Variants in ILKAP observed in about 807,000 individuals in gnomAD.
ILKAP encodes the protein integrin-linked kinase-associated serine/threonine phosphatase 2C.
In ILKAP, 11 loss-of-function variants were observed where a neutral mutation model predicts 49.1. That is an observed-to-expected ratio of 0.22 (90% CI 0.14 to 0.37). ILKAP has a LOEUF of 0.37. Ranked by LOEUF, ILKAP falls within the 10% of genes least tolerant of loss-of-function variation. ILKAP has a pLI of 1.00. For missense variants in ILKAP, 363 were observed against 510.8 expected (o/e 0.71, Z 2.79); for synonymous variants, 186 against 192.8 (o/e 0.96, Z 0.29).
intron 4 of ILKAP, among the ~76,000 whole-genome samples, chr2:238,189,219 G>A (rs1292959924): frequency 1.3e-5 from 2 of 152,174 alleles, no homozygotes; most frequent in African/African-American, 2.4e-5. Context: ...TCGGGAGGCT[G>A]AGGTAGAATG....
At chr2:238,191,703 G>T (rs34464738) in intron 3 of ILKAP, among the ~76,000 whole-genome samples, 42,031 of 151,732 alleles carry the variant, frequency 0.28, 6,218 homozygotes, top group South Asian at 0.37. Flanking sequence ...AGGTCAGAAG[G>T]TCAAGACAAG....
In ILKAP at chr2:238,170,634, C is replaced by T. The variant is rs940521111; in HGVS notation, c.1081G>A (p.Ala361Thr). The T allele has an allele frequency of 3.1e-6, 5 of 1,601,862 alleles. No homozygotes were observed. The highest frequency in any genetic ancestry group is 4.5e-5 in the East Asian group (2 of 44,562). The change falls in exon 12 of 12, where the codon GCC becomes ACC. Residue 361 changes from alanine (A) to threonine (T), a missense_variant. Physicochemically the swap from Ala to Thr is moderately conservative, Grantham distance 58. This residue lies in a region of ILKAP where 83 missense variants were observed against 87.5 expected (regional missense o/e 0.95). Transcript: ENST00000254654. ...QTREGKSAAD[A>T]RYEAACNRLA... ...CTGTTGCAGGCTGCTTCGTAGCGGG[C>T]GTCGGCTGCGGACTTCCCTTCCCGG...
chr2:238,172,573 G>A (rs531144243), intron 10 of ILKAP, among the ~76,000 whole-genome samples: 51 of 152,336 alleles, frequency 3.3e-4, no homozygotes, highest in South Asian at 1.0e-3. Flanking sequence ...CAGAGGCGGC[G>A]GCTGCTGGAG....
chr2:238,173,425 T>C, intron 10 of ILKAP, 109 bp downstream of exon 10: 1 of 1,428,188 alleles, frequency 7.0e-7, no homozygotes, highest in Non-Finnish European at 9.6e-7. Flanking sequence ...CCCCAGGGCC[T>C]AGCACCATGC....
chr2:238,171,321 G>A (rs530893137), intron 10 of ILKAP, among the ~76,000 whole-genome samples: 6 of 152,024 alleles, frequency 3.9e-5, no homozygotes, highest in Admixed American at 6.6e-5. Context: ...CACCACGCCC[G>A]GGTAATTTTT....
At chr2:238,188,326 G>A (rs950752961) in intron 4 of ILKAP, 69 bp from the exon 5 acceptor site, 1 of 1,550,908 alleles carries the variant, frequency 6.4e-7, no homozygotes, top group Non-Finnish European at 8.7e-7. Context: ...TAGTCCCAGA[G>A]CAAATGAGAG....
intron 9 of ILKAP, among the ~76,000 whole-genome samples, chr2:238,176,771 T>G (rs974560297): frequency 2.6e-5 from 4 of 152,256 alleles, no homozygotes; most frequent in Non-Finnish European, 5.9e-5. Flanking sequence ...CTTCAGCTCC[T>G]CTTGCATGTC....
At chr2:238,173,880 C>A in intron 9 of ILKAP, 1 of 549,504 alleles carries the variant, frequency 1.8e-6, no homozygotes. Context: ...TGGGTGGGAA[C>A]AGCACCTCCA....
intron 3 of ILKAP, among the ~76,000 whole-genome samples, chr2:238,190,950 C>T (rs1288550171): frequency 5.6e-5 from 8 of 142,590 alleles, no homozygotes; most frequent in African/African-American, 1.6e-4. Context: ...CTTTGCCAGA[C>T]ATTTCTTCTT....
At chr2:238,201,824 A>G (rs930547734) in intron 1 of ILKAP, among the ~76,000 whole-genome samples, 1 of 152,208 alleles carries the variant, frequency 6.6e-6, no homozygotes, top group African/African-American at 2.4e-5. Flanking sequence ...CTGCTACACA[A>G]ATCCAATTTT....
chr2:238,193,229 C>CT (rs1486487557), intron 3 of ILKAP, among the ~76,000 whole-genome samples: 3 of 151,706 alleles, frequency 2.0e-5, no homozygotes, highest in South Asian at 2.1e-4. Flanking sequence ...ATTAACTTTC[C>CT]TTTTTTTTGG....
At chr2:238,172,318 T>C (rs1321110542) in intron 10 of ILKAP, among the ~76,000 whole-genome samples, 5 of 152,180 alleles carry the variant, frequency 3.3e-5, no homozygotes, top group South Asian at 2.1e-4. Flanking sequence ...TCCCAAAGTG[T>C]TGGGATTACA....
Position 238,190,889 on chromosome 2 carries a change from A to T in ILKAP, c.179-917T>A, listed in dbSNP as rs1367220503. ...AGACGTTTCTCTTTAAAAAAAAAAAAAAAAAAAAAAAAAAAAGGATGCAAG... is the reference window on the plus strand; with the variant it reads ...AGACGTTTCTCTTTAAAAAAAAAAATAAAAAAAAAAAAAAAAGGATGCAAG... On this transcript the variant is annotated intron_variant, in intron 3 of 11. Coordinates refer to ENST00000254654, the MANE Select transcript of ILKAP (RefSeq NM_030768.3). 1.3e-4 allele frequency among the ~76,000 whole-genome samples: 19 copies of T among 151,238 alleles called. No homozygotes were observed. In the South Asian group the frequency reaches 3.9e-3, roughly 31 times the overall value.
At position 238,200,165 on chromosome 2, in the gene ILKAP, T is replaced by C. The variant is rs540667382; in HGVS notation, c.55+3334A>G. ...GGTCGGCACTTTTATGGGTATGACA[T>C]AGGAAAGTTCCATTTCTGCCTGATA... On this transcript the variant is annotated intron_variant, in intron 1 of 11. Transcript: ENST00000254654. Among the ~76,000 whole-genome samples the C allele has an allele frequency of 9.2e-5, 14 of 152,154 alleles. 1 individual carries two copies. In the East Asian group the frequency reaches 1.2e-3, roughly 13 times the overall value.
intron 9 of ILKAP, among the ~76,000 whole-genome samples, chr2:238,180,708 C>T (rs1235694089): frequency 6.6e-6 from 1 of 152,254 alleles, no homozygotes; most frequent in Non-Finnish European, 1.5e-5. Flanking sequence ...AAAACCCACA[C>T]TGTCAAATGA....
intron 3 of ILKAP, among the ~76,000 whole-genome samples, chr2:238,193,536 T>A (rs1694227844): frequency 6.6e-6 from 1 of 152,222 alleles, no homozygotes; most frequent in Non-Finnish European, 1.5e-5. Flanking sequence ...ATATTAACTT[T>A]CATTACAACT....
rs1694260947 is a variant in ILKAP at position 238,194,313 on chromosome 2, A to G, written c.140T>C (p.Leu47Pro). 6.2e-7 allele frequency: 1 copy of G among 1,614,162 alleles called. No individual in the cohort carries two copies. The highest frequency in any genetic ancestry group is 8.5e-7 in the Non-Finnish European group (1 of 1,180,018). Reference protein sequence around the residue: ...STDSGSGGPLLFDDLPPASSG... With the variant: ...STDSGSGGPLPFDDLPPASSG... ...GCTAGCGGGTGGGAGATCATCAAAA[A>G]GCAAAGGTCCCCCTGATCCTGAAAC... is the stretch of plus-strand genomic sequence containing the variant. The change falls in exon 3 of 12, where the codon CTT becomes CCT. Residue 47 changes from leucine to proline, a missense_variant. This residue lies in a region of ILKAP where 114 missense variants were observed against 116.0 expected (regional missense o/e 0.98). Transcript: ENST00000254654.
chr2:238,181,152 G>A (rs1041532685), intron 9 of ILKAP, among the ~76,000 whole-genome samples: 4 of 152,184 alleles, frequency 2.6e-5, no homozygotes, highest in Non-Finnish European at 5.9e-5. Context: ...ACTAGATTCA[G>A]CCTGGAGCAA....
At chr2:238,172,358 C>A in intron 10 of ILKAP, among the ~76,000 whole-genome samples, 1 of 152,192 alleles carries the variant, frequency 6.6e-6, no homozygotes, top group East Asian at 1.9e-4. Flanking sequence ...AGCCTGTTTT[C>A]CTCGTTTAAC....
Sources: gnomAD v4.1 joint callset for allele counts (sites outside exome capture counted in the v4.1 genomes callset) on GRCh38, gnomAD v4.1.1 for gene constraint, gnomAD v4.1.1 regional missense constraint, MANE v1.5 for transcripts, NCBI Gene and HGNC (gene_info 2026-07-23, HGNC 2026-07-21) for gene names.